The following ZCCHC7 variants were observed in gnomAD, a reference collection of about 807,000 sequenced individuals.
The protein encoded by ZCCHC7 is zinc finger CCHC domain-containing protein 7.
A neutral mutation model predicts 52.0 loss-of-function variants in ZCCHC7; 35 were observed. The observed-to-expected ratio is 0.67, with a 90% CI of 0.51 to 0.89. ZCCHC7 has a LOEUF of 0.89. Among genes scored for constraint, ZCCHC7 ranks in the 40% least tolerant of loss-of-function variants. The probability of loss-of-function intolerance (pLI) is 0.00; values close to 1 mark genes in which losing one functional copy is unlikely to be tolerated. For synonymous variants in ZCCHC7, 217 were observed against 221.5 expected (o/e 0.98, Z 0.18); for missense variants, 574 against 649.1 (o/e 0.88, Z 1.26).
intron 6 of ZCCHC7, among the ~76,000 whole-genome samples, chr9:37,332,886 G>A (rs1180652360): frequency 1.3e-5 from 2 of 151,552 alleles, no homozygotes; most frequent in Non-Finnish European, 3.0e-5. Flanking sequence ...TTTAGAAATT[G>A]TATGTATGCA....
intron 2 of ZCCHC7, among the ~76,000 whole-genome samples, chr9:37,290,296 C>T (rs1828472202): frequency 6.6e-6 from 1 of 151,922 alleles, no homozygotes; most frequent in Non-Finnish European, 1.5e-5. Context: ...CTGAATATAC[C>T]GTCAGGTTTA....
intron 2 of ZCCHC7, among the ~76,000 whole-genome samples, chr9:37,165,779 A>G (rs1821385110): frequency 6.6e-6 from 1 of 152,228 alleles, no homozygotes; most frequent in South Asian, 2.1e-4. Flanking sequence ...TGTGAAAATA[A>G]AATATAAAAA....
chr9:37,234,920 T>TA (rs1825572485), intron 2 of ZCCHC7, among the ~76,000 whole-genome samples: 1 of 152,226 alleles, frequency 6.6e-6, no homozygotes, highest in Non-Finnish European at 1.5e-5. Context: ...GTTGATAATT[T>TA]AAAAAATAAC....
At chr9:37,163,246 C>T (rs1259737336) in intron 2 of ZCCHC7, among the ~76,000 whole-genome samples, 2 of 151,236 alleles carry the variant, frequency 1.3e-5, no homozygotes, top group Admixed American at 6.6e-5. Flanking sequence ...AGTATTTTTA[C>T]GTGTGGTGGC....
intron 2 of ZCCHC7, among the ~76,000 whole-genome samples, chr9:37,198,717 A>T (rs1823422236): frequency 6.6e-6 from 1 of 152,330 alleles, no homozygotes; most frequent in Admixed American, 6.5e-5. Flanking sequence ...AAACTTGTGT[A>T]TATTCTGCAG....
At chr9:37,121,990 G>GT (rs1842335839) in intron 1 of ZCCHC7, among the ~76,000 whole-genome samples, 1 of 152,170 alleles carries the variant, frequency 6.6e-6, no homozygotes. Flanking sequence ...CTTACTAAGA[G>GT]TAAGAAAAAT....
chr9:37,357,274 C>G lies in ZCCHC7; in HGVS notation c.*6C>G. ...AGAGAAAAAAAAAGTCTTAAGCCGT[C>G]AGGCAGCCTCTGATGTGGCTTTTCA... On this transcript the variant is annotated 3_prime_UTR_variant, in exon 9 of 9. Coordinates refer to ENST00000336755, the MANE Select transcript of ZCCHC7 (RefSeq NM_032226.3). 1 of 1,581,366 alleles carries G rather than the reference C, an allele frequency of 6.3e-7. No homozygotes were observed. The highest frequency in any genetic ancestry group is 2.2e-5 in the East Asian group (1 of 44,728).
intron 2 of ZCCHC7, among the ~76,000 whole-genome samples, chr9:37,171,003 T>A (rs1253404041): frequency 2.0e-5 from 3 of 152,168 alleles, no homozygotes; most frequent in Admixed American, 1.3e-4. Flanking sequence ...GCTCACAGAT[T>A]GCAGGACTGT....
chr9:37,135,311 T>C (rs939038310), intron 2 of ZCCHC7, among the ~76,000 whole-genome samples: 12 of 152,230 alleles, frequency 7.9e-5, no homozygotes, highest in African/African-American at 2.9e-4. Flanking sequence ...AATAAATAAT[T>C]GTCTAATTCC....
intron 2 of ZCCHC7, among the ~76,000 whole-genome samples, chr9:37,174,632 A>G (rs1821918988): frequency 1.3e-5 from 2 of 152,302 alleles, no homozygotes; most frequent in South Asian, 4.1e-4. Flanking sequence ...ATGTTGAAGG[A>G]TATTTATATC....
intron 2 of ZCCHC7, among the ~76,000 whole-genome samples, chr9:37,129,157 C>G (rs1842665089): frequency 6.6e-6 from 1 of 152,112 alleles, no homozygotes. Flanking sequence ...CTGCTGCTTT[C>G]TGTTTGCACT....
chr9:37,204,681 C>T (rs1049835315), intron 2 of ZCCHC7, among the ~76,000 whole-genome samples: 1 of 152,108 alleles, frequency 6.6e-6, no homozygotes, highest in Non-Finnish European at 1.5e-5. Flanking sequence ...TGTTTTGGTA[C>T]CAGTACCATG....
At chr9:37,258,812 T>G (rs909071614) in intron 2 of ZCCHC7, among the ~76,000 whole-genome samples, 11 of 122,868 alleles carry the variant, frequency 9.0e-5, no homozygotes, top group Non-Finnish European at 1.7e-4. Flanking sequence ...TAATTGTCAA[T>G]ATTTTAGTAA....
At chr9:37,297,431 G>A (rs548421718) in intron 2 of ZCCHC7, among the ~76,000 whole-genome samples, 33 of 152,260 alleles carry the variant, frequency 2.2e-4, no homozygotes, top group African/African-American at 7.0e-4. Context: ...ACTTTTTAAG[G>A]AAAGTTGCAT....
chr9:37,168,494 G>A (rs1821550406), intron 2 of ZCCHC7, among the ~76,000 whole-genome samples: 1 of 152,168 alleles, frequency 6.6e-6, no homozygotes, highest in African/African-American at 2.4e-5. Flanking sequence ...AAAAAGCATA[G>A]TTTTAAAACT....
intron 2 of ZCCHC7, among the ~76,000 whole-genome samples, chr9:37,157,491 C>CA (rs916495892): frequency 1.5e-4 from 23 of 150,854 alleles, no homozygotes; most frequent in Admixed American, 9.2e-4. Context: ...GACCTTGTCT[C>CA]AAAAAAAAGA....
chr9:37,261,257 C>G (rs1051027997), intron 2 of ZCCHC7, among the ~76,000 whole-genome samples: 1 of 152,144 alleles, frequency 6.6e-6, no homozygotes, highest in African/African-American at 2.4e-5. Context: ...GGAAGTTTCT[C>G]TAACTAAATG....
At chr9:37,144,577 C>G (rs1424535092) in intron 2 of ZCCHC7, among the ~76,000 whole-genome samples, 1 of 151,866 alleles carries the variant, frequency 6.6e-6, no homozygotes, top group Non-Finnish European at 1.5e-5. Context: ...TACTTTGTCT[C>G]AATTTCAGTC....
chr9:37,357,327 CCTT>C lies in ZCCHC7; in HGVS notation c.*62_*64del. The C allele has an allele frequency of 6.9e-7, 1 of 1,453,124 alleles. No individual in the cohort carries two copies. The highest frequency in any genetic ancestry group is 9.2e-7 in the Non-Finnish European group (1 of 1,083,736). The allele number at this position is 1,453,124 out of a possible 1,614,324, so 90.0% of individuals were successfully genotyped here. Reference sequence around the variant, plus strand: ...GTTCATTTGGCCTTTGTGTCTATAACCTTCTGGCACTGTGTTTATTATCTATGA... The same window carrying C: ...GTTCATTTGGCCTTTGTGTCTATAACCTGGCACTGTGTTTATTATCTATGA... On this transcript the variant is annotated 3_prime_UTR_variant, in exon 9 of 9. Coordinates refer to ENST00000336755, the MANE Select transcript of ZCCHC7 (RefSeq NM_032226.3).
Sources: gnomAD v4.1 joint callset for allele counts (sites outside exome capture counted in the v4.1 genomes callset) on GRCh38, gnomAD v4.1.1 for gene constraint, MANE v1.5 for transcripts, NCBI Gene and HGNC (gene_info 2026-07-23, HGNC 2026-07-21) for gene names.